CELF1: variants seen among roughly 807,000 people sequenced by gnomAD.
CELF1 encodes the protein CUGBP Elav-like family member 1.
A neutral mutation model predicts 61.8 loss-of-function variants in CELF1; 10 were observed. The observed-to-expected ratio is 0.16, with a 90% CI of 0.10 to 0.27. The LOEUF is 0.27. Ranked by LOEUF, CELF1 falls within the 10% of genes least tolerant of loss-of-function variation. The pLI is 1.00. For synonymous variants in CELF1, 236 were observed against 225.1 expected (o/e 1.05, Z -0.43); for missense variants, 380 against 639.1 (o/e 0.59, Z 4.37).
chr11:47,548,865 CAA>C (rs35634201), intron 1 of CELF1, among the ~76,000 whole-genome samples: 14 of 83,596 alleles, frequency 1.7e-4, no homozygotes, highest in Admixed American at 3.1e-4. Context: ...GACTCCATCT[CAA>C]AAAAAAAAAA....
intron 1 of CELF1, among the ~76,000 whole-genome samples, chr11:47,528,018 C>A (rs1057333290): frequency 2.6e-5 from 4 of 152,124 alleles, no homozygotes; most frequent in South Asian, 2.1e-4. Context: ...ATGGGTTGAA[C>A]CCGAGAGGCG....
chr11:47,504,902 C>CAAAAAAAAA (rs374401044), intron 1 of CELF1, among the ~76,000 whole-genome samples: 35 of 107,900 alleles, frequency 3.2e-4, no homozygotes, highest in African/African-American at 8.6e-4. Flanking sequence ...ACTCTGTCAC[C>CAAAAAAAAA]AAAAAAAAAA....
At chr11:47,560,536 T>C (rs1376395808) in intron 2 of CELF1, among the ~76,000 whole-genome samples, 1 of 152,152 alleles carries the variant, frequency 6.6e-6, no homozygotes, top group African/African-American at 2.4e-5. Context: ...AATAGGCAGA[T>C]CCACTGAGAC....
At chr11:47,537,279 A>C in intron 1 of CELF1, among the ~76,000 whole-genome samples, 1 of 137,994 alleles carries the variant, frequency 7.2e-6, no homozygotes, top group African/African-American at 2.8e-5. Context: ...ACAGAGTCTC[A>C]CTCTGTCGCC....
At chr11:47,564,409 G>A (rs1158244954) in exon 2 of CELF1, 10 of 151,792 alleles carry the variant, frequency 6.6e-5, no homozygotes, top group Admixed American at 6.6e-4. Flanking sequence ...CTGGGAGGCA[G>A]AGGTTGCAGT....
At chr11:47,556,922 C>T (rs142815612), upstream of CELF1, among the ~76,000 whole-genome samples, 65 of 152,212 alleles carry the variant, frequency 4.3e-4, no homozygotes, top group African/African-American at 1.3e-3. Flanking sequence ...TATTTTGAGA[C>T]GGAGTCTTGC....
intron 1 of CELF1, among the ~76,000 whole-genome samples, chr11:47,531,275 A>C (rs1449759231): frequency 2.6e-5 from 4 of 151,568 alleles, no homozygotes; most frequent in South Asian, 2.1e-4. Flanking sequence ...CAAAAAACAA[A>C]AAAAAACAAA....
chr11:47,556,789 G>C (rs572481010), upstream of CELF1, among the ~76,000 whole-genome samples: 1 of 152,300 alleles, frequency 6.6e-6, no homozygotes, highest in African/African-American at 2.4e-5. Flanking sequence ...GCTGAGGTAG[G>C]AGGATCCCTT....
At chr11:47,525,458 A>G (rs2096190044) in intron 1 of CELF1, among the ~76,000 whole-genome samples, 1 of 152,206 alleles carries the variant, frequency 6.6e-6, no homozygotes, top group South Asian at 2.1e-4. Context: ...TGAAGTACTT[A>G]GTGCATACCA....
rs1477032496 is a variant in CELF1, at chr11:47,559,022, TAATA to T, written c.-11+5325_-11+5328del. On this transcript the variant is annotated intron_variant, in intron 2 of 3. Coordinates refer to the CELF1 transcript ENST00000525841. ...TGTTATACATAATATATGTTATATA[TAATA>T]TATAATATGTTACATATAATAATAT... 4.9e-5 allele frequency among the ~76,000 whole-genome samples: 7 copies of T among 143,110 alleles called. No individual in the cohort carries two copies. In the Admixed American group the frequency reaches 5.3e-4, roughly 11 times the overall value. 93.9% of individuals were successfully genotyped at this position (143,110 alleles called of 152,430 possible).
chr11:47,501,824 C>G (rs1391982600), intron 1 of CELF1, among the ~76,000 whole-genome samples: 2 of 151,636 alleles, frequency 1.3e-5, no homozygotes, highest in Non-Finnish European at 2.9e-5. Flanking sequence ...CCGTCTCCCC[C>G]ACCAAAAAAA....
chr11:47,516,389 G>A (rs947686853), intron 1 of CELF1, among the ~76,000 whole-genome samples: 2 of 152,132 alleles, frequency 1.3e-5, no homozygotes, highest in African/African-American at 4.8e-5. Context: ...AGGAAGGCGA[G>A]CAGCTGCTTC....
chr11:47,486,867 A>T, intron 5 of CELF1, 69 bp from the exon 6 acceptor site: 3 of 1,161,662 alleles, frequency 2.6e-6, no homozygotes, highest in Non-Finnish European at 3.9e-6. Flanking sequence ...TATGGACTCT[A>T]AAATACCAGA....
chr11:47,495,398 A>G (rs1251863959), intron 3 of CELF1, among the ~76,000 whole-genome samples: 1 of 152,186 alleles, frequency 6.6e-6, no homozygotes, highest in Non-Finnish European at 1.5e-5. Context: ...GAAGGGAGAC[A>G]TGGAGAAGAA....
At chr11:47,564,287 T>C (rs1230274877) in intron 2 of CELF1, 1 of 150,088 alleles carries the variant, frequency 6.7e-6, no homozygotes, top group African/African-American at 2.5e-5. Context: ...GAGACCAGCC[T>C]GGTCAACATG....
upstream of CELF1, among the ~76,000 whole-genome samples, chr11:47,558,018 A>T (rs1056304508): frequency 6.6e-6 from 1 of 151,744 alleles, no homozygotes; most frequent in African/African-American, 2.4e-5. Context: ...AGCATGCCCA[A>T]CTAATTTTTT....
At chr11:47,481,368 G>A (rs2083154755) in intron 9 of CELF1, among the ~76,000 whole-genome samples, 1 of 151,890 alleles carries the variant, frequency 6.6e-6, no homozygotes. Context: ...AACCTCAGGC[G>A]ATCCACTCAC....
rs1242328233 is a variant in CELF1 at position 47,468,857 on chromosome 11, T to C, written c.*3373A>G. The C allele has an allele frequency of 6.6e-6, 1 of 152,256 alleles. No homozygotes were observed. Among genetic ancestry groups the C allele is most frequent in the Non-Finnish European group, 1.5e-5 (1 of 67,990 alleles). The allele number at this position is 152,256 out of a possible 1,614,324, so 9.4% of individuals were successfully genotyped here. A position where few individuals can be genotyped will look rare whatever the true frequency, so the allele number is the denominator to read the frequency against. ...CGATGTACTTGACGCCACATCGACA[T>C]GCTTTAGGCACAACGATGAACAAAC... On this transcript the variant is annotated 3_prime_UTR_variant, in exon 15 of 15. Coordinates refer to ENST00000687097, the MANE Select transcript of CELF1 (RefSeq NM_001376376.1).
chr11:47,500,159 C>A (rs1295611886), intron 2 of CELF1, among the ~76,000 whole-genome samples: 2 of 150,582 alleles, frequency 1.3e-5, no homozygotes, highest in Non-Finnish European at 2.9e-5. Flanking sequence ...CAGAAACTTA[C>A]CACTCACATA....
Sources: allele counts gnomAD v4.1 joint callset (sites outside exome capture counted in the v4.1 genomes callset), GRCh38; gene constraint gnomAD v4.1.1; transcripts MANE v1.5; gene names NCBI Gene and HGNC (gene_info 2026-07-23, HGNC 2026-07-21).